ALG12: variants seen among roughly 807,000 people sequenced by gnomAD.
ALG12 encodes the protein ALG12 alpha-1,6-mannosyltransferase, also known as dol-P-Man:Man(7)GlcNAc(2)-PP-Dol alpha-1,6-mannosyltransferase.
Under a neutral mutation model 46.0 loss-of-function variants are expected in ALG12, and 36 were observed. That is an observed-to-expected ratio of 0.78 (90% confidence interval 0.60 to 1.03). ALG12 has a LOEUF of 1.03. ALG12 is among the 50% of genes least tolerant of loss of function. ALG12 has a pLI of 0.00. For synonymous variants in ALG12, 326 were observed against 291.6 expected (o/e 1.12, Z -1.20); for missense variants, 599 against 633.5 (o/e 0.95, Z 0.58).
At position 49,901,959 on chromosome 22, in the gene ALG12, ACT is replaced by A. The variant is rs1311783085; in HGVS notation, c.*1877_*1878del. 2 of 115,436 alleles carry A rather than the reference ACT, an allele frequency of 1.7e-5. No individual in the cohort carries two copies. The highest frequency in any genetic ancestry group is 2.9e-4 in the East Asian group (1 of 3,400). The allele number at this position is 115,436 out of a possible 1,614,324, so 7.2% of individuals were successfully genotyped here. A position where few individuals can be genotyped will look rare whatever the true frequency, so the allele number is the denominator to read the frequency against. Reference sequence around the variant, plus strand: ...TATGCACGGTAATGTGCACGTGTGCACTGTGTGTGGTGTGTATGCATGGTGTG... The same window carrying A: ...TATGCACGGTAATGTGCACGTGTGCAGTGTGTGGTGTGTATGCATGGTGTG... On this transcript the variant is annotated 3_prime_UTR_variant, in exon 10 of 10. Coordinates refer to ENST00000330817, the MANE Select transcript of ALG12 (RefSeq NM_024105.4).
At position 49,902,958 on chromosome 22, in the gene ALG12, G is replaced by C. The variant is rs1380952174; in HGVS notation, c.*880C>G. On this transcript the variant is annotated 3_prime_UTR_variant, in exon 10 of 10. Coordinates refer to ENST00000330817, the MANE Select transcript of ALG12 (RefSeq NM_024105.4). The stretch of plus-strand genomic sequence containing the variant: ...GGTGTGTGGTGTGTATGCATGGTGT[G>C]TGCACGTGTGCACTGTGTGCATGCG... 9.7e-6 allele frequency: 3 copies of C among 309,564 alleles called. No homozygotes were observed. The highest frequency in any genetic ancestry group is 6.8e-5 in the African/African-American group (3 of 43,982). 19.2% of individuals were successfully genotyped at this position (309,564 alleles called of 1,614,324 possible).
At chr22:49,865,196 A>C in the ALG12 span, among the ~76,000 whole-genome samples, 1 of 152,130 alleles carries the variant, frequency 6.6e-6, no homozygotes, top group African/African-American at 2.4e-5. Context: ...TACTACACTG[A>C]AGCCTGTAGG....
At position 49,905,135 on chromosome 22, in the gene ALG12, G is replaced by A. The variant is rs2060535794; in HGVS notation, c.993-629C>T. 6.6e-6 allele frequency among the ~76,000 whole-genome samples: 1 copy of A among 152,152 alleles called. No homozygotes were observed. Among genetic ancestry groups the A allele is most frequent in the Admixed American group, 6.5e-5 (1 of 15,276 alleles). ...CCAGCAGGTCTGAGTGAACTCTCTG[G>A]GACAGGGTGCCGCCGGTTCTCTCAC... is the stretch of plus-strand genomic sequence containing the variant. On this transcript the variant is annotated intron_variant, in intron 7 of 9. Coordinates refer to ENST00000330817, the MANE Select transcript of ALG12 (RefSeq NM_024105.4). This position sits in a 1 kb window ranked among gnomAD's most constrained non-coding sequence, Gnocchi z 4.9.
chr22:49,901,183 G>A lies in ALG12; in HGVS notation c.*2655C>T, dbSNP rs1601814857. Reference sequence around the variant, plus strand: ...TGGCCAGCGATAAAAGAGAACAAACGAGCGTGGATAACCAGTGAATACCTG... The same window carrying A: ...TGGCCAGCGATAAAAGAGAACAAACAAGCGTGGATAACCAGTGAATACCTG... On this transcript the variant is annotated 3_prime_UTR_variant, in exon 10 of 10. Coordinates refer to ENST00000330817, the MANE Select transcript of ALG12 (RefSeq NM_024105.4). 1 of 152,382 alleles carries A rather than the reference G, an allele frequency of 6.6e-6. No individual in the cohort carries two copies. The highest frequency in any genetic ancestry group is 2.4e-5 in the African/African-American group (1 of 41,582). 9.4% of individuals were successfully genotyped at this position (152,382 alleles called of 1,614,324 possible).
chr22:49,898,525 G>A (rs2060492503), downstream of ALG12, among the ~76,000 whole-genome samples: 1 of 151,830 alleles, frequency 6.6e-6, no homozygotes. Flanking sequence ...AAGTACCTGG[G>A]ATTACAGGTG....
rs77196211 is a variant in ALG12, at chr22:49,902,085, G to A, written c.*1753C>T. The A allele has an allele frequency of 1.5e-5, 2 of 132,230 alleles. No individual in the cohort carries two copies. Among genetic ancestry groups the A allele is most frequent in the Non-Finnish European group, 3.2e-5 (2 of 62,684 alleles). 8.2% of individuals were successfully genotyped at this position (132,230 alleles called of 1,614,324 possible). A position where few individuals can be genotyped will look rare whatever the true frequency, so the allele number is the denominator to read the frequency against. ...GCACTGTGTGTGGTGTGCATGCATG[G>A]TGTGTGCACGTGTGCACTGTGTATG... On this transcript the variant is annotated 3_prime_UTR_variant, in exon 10 of 10. Coordinates refer to ENST00000330817, the MANE Select transcript of ALG12 (RefSeq NM_024105.4).
At chr22:49,867,934 A>G in the ALG12 span, among the ~76,000 whole-genome samples, 5 of 152,238 alleles carry the variant, frequency 3.3e-5, no homozygotes, top group Admixed American at 2.0e-4. Context: ...CTGTTTTGTC[A>G]TAAAGTGTTG....
chr22:49,890,012 T>TA, the ALG12 span: 1 of 167,076 alleles, frequency 6.0e-6, no homozygotes, highest in Admixed American at 6.5e-5. Flanking sequence ...GAAGGGACTT[T>TA]AAAAAATTTG....
chr22:49,903,578 C>A lies in ALG12; in HGVS notation c.*260G>T. 1.5e-6 allele frequency: 1 copy of A among 660,252 alleles called. No homozygotes were observed. The highest frequency in any genetic ancestry group is 1.5e-5 in the South Asian group (1 of 66,346). 40.9% of individuals were successfully genotyped at this position (660,252 alleles called of 1,614,324 possible). A position where few individuals can be genotyped will look rare whatever the true frequency, so the allele number is the denominator to read the frequency against. ...CTGGGCGACAGTCACCCGCAGGAAG[C>A]CCTGAGCTGGCCACCATCACCCTGG... On this transcript the variant is annotated 3_prime_UTR_variant, in exon 10 of 10. Coordinates refer to ENST00000330817, the MANE Select transcript of ALG12 (RefSeq NM_024105.4).
the ALG12 span, among the ~76,000 whole-genome samples, chr22:49,876,668 C>T: frequency 0.04 from 6,105 of 152,142 alleles, 172 homozygotes; most frequent in Middle Eastern, 0.085. Context: ...GAATACTCAC[C>T]GGCAGTGCTT....
Position 49,909,357 on chromosome 22 carries a change from T to C in ALG12, c.665-10A>G, listed in dbSNP as rs1407916805. The C allele has an allele frequency of 6.2e-7, 1 of 1,613,778 alleles. No homozygotes were observed. The highest frequency in any genetic ancestry group is 8.5e-7 in the Non-Finnish European group (1 of 1,179,810). On this transcript the variant is annotated splice_polypyrimidine_tract_variant and intron_variant, in intron 5 of 9. Transcript: ENST00000330817. ...ACAGCAACCGTCAGTCCTGACAAAA[T>C]AAAATAGAGTTTCTTAGTCGCAAAC... is the stretch of plus-strand genomic sequence containing the variant.
At chr22:49,916,593 T>C (rs1464986415) in intron 1 of ALG12, among the ~76,000 whole-genome samples, 2 of 151,758 alleles carry the variant, frequency 1.3e-5, no homozygotes, top group Middle Eastern at 3.4e-3. Context: ...AAAAAAGAAA[T>C]AGGAAGCAAG....
Position 49,903,661 on chromosome 22 carries a change from C to T in ALG12, c.*177G>A, listed in dbSNP as rs1430373221. Reference sequence around the variant, plus strand: ...GCCCCTCGTTCTTTGGTGCTGAGAGCCCCAGCTGAGGCTGTGGAGGAGGCC... The same window carrying T: ...GCCCCTCGTTCTTTGGTGCTGAGAGTCCCAGCTGAGGCTGTGGAGGAGGCC... On this transcript the variant is annotated 3_prime_UTR_variant, in exon 10 of 10. Transcript: ENST00000330817. The T allele has an allele frequency of 2.6e-6, 2 of 775,902 alleles. No individual in the cohort carries two copies. The highest frequency in any genetic ancestry group is 2.9e-5 in the South Asian group (2 of 68,396). 48.1% of individuals were successfully genotyped at this position (775,902 alleles called of 1,614,324 possible). A position where few individuals can be genotyped will look rare whatever the true frequency, so the allele number is the denominator to read the frequency against.
chr22:49,908,641 G>A (rs1413627181), intron 6 of ALG12, among the ~76,000 whole-genome samples: 1 of 145,244 alleles, frequency 6.9e-6, no homozygotes, highest in Non-Finnish European at 1.5e-5. Context: ...TAATTCCTAA[G>A]AAAGCACTTT....
At chr22:49,908,555 C>CA (rs1404202881) in intron 6 of ALG12, among the ~76,000 whole-genome samples, 2 of 130,460 alleles carry the variant, frequency 1.5e-5, no homozygotes, top group Non-Finnish European at 3.2e-5. Context: ...AACCAAAAAA[C>CA]AAAAAACAGA....
chr22:49,885,936 G>A, the ALG12 span: 1 of 806,006 alleles, frequency 1.2e-6, no homozygotes, highest in Admixed American at 2.1e-5. Context: ...CGCCAGCCCG[G>A]CCGCGCTGTG....
At chr22:49,872,371 G>T in the ALG12 span, among the ~76,000 whole-genome samples, 1 of 152,100 alleles carries the variant, frequency 6.6e-6, no homozygotes, top group African/African-American at 2.4e-5. Flanking sequence ...TGGGTTCTGT[G>T]TATAATTCTA....
rs180901509 is a variant in ALG12 at position 49,905,456 on chromosome 22, T to C, written c.993-950A>G. 1.1e-4 allele frequency among the ~76,000 whole-genome samples: 17 copies of C among 152,238 alleles called. No homozygotes were observed. The East Asian group carries it at 3.3e-3, about 29-fold the overall frequency. ...GAGGTGGGGCCTGGTGGGAGGTGAC[T>C]GGGTCATGGAGGTGGAGCCCTCAGG... On this transcript the variant is annotated intron_variant, in intron 7 of 9. Transcript: ENST00000330817. The surrounding 1 kb of genome is among the most constrained non-coding windows in gnomAD (Gnocchi z 4.9).
the ALG12 span, chr22:49,884,646 C>A: frequency 6.2e-7 from 1 of 1,612,574 alleles, no homozygotes; most frequent in South Asian, 1.1e-5. Flanking sequence ...GCTGCCTCAT[C>A]AGGCACATGT....
Sources: gnomAD v4.1 joint callset for allele counts (sites outside exome capture counted in the v4.1 genomes callset) on GRCh38, gnomAD v4.1.1 for gene constraint, Gnocchi (gnomAD v3.1) non-coding constraint, MANE v1.5 for transcripts, NCBI Gene and HGNC (gene_info 2026-07-23, HGNC 2026-07-21) for gene names.